ACYP2: variants seen among roughly 807,000 people sequenced by gnomAD.
ACYP2 encodes acylphosphatase 2.
In ACYP2, 12 loss-of-function variants were observed where a neutral mutation model predicts 11.2. The observed-to-expected ratio is 1.08, with a 90% CI of 0.69 to 1.74. The LOEUF is 1.74. Among genes scored for constraint, ACYP2 ranks in the 40% most tolerant of loss-of-function variants. ACYP2 has a pLI of 0.00. For missense variants in ACYP2, 134 were observed against 101.9 expected, an observed-to-expected ratio of 1.31 and a Z score of -1.35; for synonymous variants, 43 against 32.2, an observed-to-expected ratio of 1.33 and a Z score of -1.13.
chr2:54,027,821 G>GTTTC (rs202001088), intron 2 of ACYP2, among the ~76,000 whole-genome samples: 2,577 of 135,032 alleles, frequency 0.019, 45 homozygotes, highest in Non-Finnish European at 0.024. Flanking sequence ...TAGTCATCAT[G>GTTTC]TTTCTTTCTT....
At chr2:54,243,407 T>C (rs1397115922) in intron 6 of ACYP2, among the ~76,000 whole-genome samples, 1 of 152,226 alleles carries the variant, frequency 6.6e-6, no homozygotes, top group East Asian at 1.9e-4. Context: ...TACCTAAACA[T>C]AGAAAAGGCA....
chr2:54,043,167 T>C (rs1047131963), intron 2 of ACYP2, among the ~76,000 whole-genome samples: 1 of 152,080 alleles, frequency 6.6e-6, no homozygotes, highest in Admixed American at 6.6e-5. Context: ...GGTTGAGTGG[T>C]TGAGTTCAGG....
In ACYP2 at chr2:54,063,693, G is replaced by C. The variant is rs1676586955; in HGVS notation, c.277+6333G>C. 3.3e-5 allele frequency among the ~76,000 whole-genome samples: 5 copies of C among 152,226 alleles called. No homozygotes were observed. The South Asian group carries it at 1.0e-3, about 32-fold the overall frequency. ...GAGGGGGTGTTAAAGGATTCCTGCTGTTGCTAGTTCAGAATGTTTCACTAT... is the reference window on the plus strand; with the variant it reads ...GAGGGGGTGTTAAAGGATTCCTGCTCTTGCTAGTTCAGAATGTTTCACTAT... On this transcript the variant is annotated intron_variant, in intron 4 of 6. Coordinates refer to ENST00000607452, the MANE Select transcript of ACYP2 (RefSeq NM_001320586.2).
chr2:54,302,768 C>G (rs1689776020), intron 6 of ACYP2, among the ~76,000 whole-genome samples: 1 of 152,232 alleles, frequency 6.6e-6, no homozygotes, highest in South Asian at 2.1e-4. Context: ...AATGACAACC[C>G]TATCCAACTA....
At chr2:54,280,942 T>C (rs927456256) in intron 6 of ACYP2, among the ~76,000 whole-genome samples, 3 of 152,120 alleles carry the variant, frequency 2.0e-5, no homozygotes, top group Non-Finnish European at 4.4e-5. Flanking sequence ...GTCAGAATCA[T>C]AGAGGGAAGG....
At chr2:54,034,681 A>G (rs189456635) in intron 2 of ACYP2, among the ~76,000 whole-genome samples, 140 of 152,296 alleles carry the variant, frequency 9.2e-4, no homozygotes, top group East Asian at 7.9e-3. Flanking sequence ...GATATTTCCC[A>G]TATTTCTTAA....
At chr2:54,125,770 A>T (rs1255557312) in intron 4 of ACYP2, among the ~76,000 whole-genome samples, 7 of 151,554 alleles carry the variant, frequency 4.6e-5, no homozygotes, top group African/African-American at 1.7e-4. Flanking sequence ...AAACAAAACT[A>T]GTTTTTAAAC....
intron 4 of ACYP2, among the ~76,000 whole-genome samples, chr2:54,076,865 G>A (rs1009603534): frequency 9.2e-5 from 14 of 152,158 alleles, no homozygotes; most frequent in African/African-American, 2.7e-4. Context: ...AGTCCTGAAA[G>A]TTGTCTTTAT....
At chr2:54,132,459 C>T (rs1176220021) in intron 4 of ACYP2, among the ~76,000 whole-genome samples, 2 of 152,104 alleles carry the variant, frequency 1.3e-5, no homozygotes, top group Non-Finnish European at 2.9e-5. Flanking sequence ...CATTGCTTTG[C>T]TGCTTTTTTT....
chr2:54,041,806 T>C (rs1034288687), intron 2 of ACYP2, among the ~76,000 whole-genome samples: 2 of 152,072 alleles, frequency 1.3e-5, no homozygotes, highest in Non-Finnish European at 2.9e-5. Flanking sequence ...TTTTTTTCTT[T>C]TTAGAGTGGG....
chr2:54,095,139 C>A (rs1046719454), intron 4 of ACYP2, among the ~76,000 whole-genome samples: 1 of 151,960 alleles, frequency 6.6e-6, no homozygotes, highest in African/African-American at 2.4e-5. Flanking sequence ...ACATCTTGCA[C>A]CGCCCTTAAT....
At chr2:53,988,528 GA>G (rs1672133416) in intron 2 of ACYP2, among the ~76,000 whole-genome samples, 1 of 151,790 alleles carries the variant, frequency 6.6e-6, no homozygotes, top group South Asian at 2.1e-4. Context: ...AGCCTCCCGA[GA>G]AGCTGGGACC....
chr2:54,245,196 C>T (rs1686895058), intron 6 of ACYP2, among the ~76,000 whole-genome samples: 1 of 152,160 alleles, frequency 6.6e-6, no homozygotes, highest in Non-Finnish European at 1.5e-5. Flanking sequence ...ATCCATGTTG[C>T]AGGAATCACA....
chr2:54,001,922 C>T (rs1319045956), intron 2 of ACYP2, among the ~76,000 whole-genome samples: 1 of 152,110 alleles, frequency 6.6e-6, no homozygotes, highest in Admixed American at 6.6e-5. Flanking sequence ...TTCCCCTGTC[C>T]CCACACATGC....
At position 54,260,291 on chromosome 2, in the gene ACYP2, G is replaced by A. The variant is rs182518001; in HGVS notation, c.405-44397G>A. 4.1e-3 allele frequency among the ~76,000 whole-genome samples: 622 copies of A among 152,248 alleles called. 8 individuals carry two copies. The highest frequency in any genetic ancestry group is 0.014 in the African/African-American group (579 of 41,542). On this transcript the variant is annotated intron_variant, in intron 6 of 6. Coordinates refer to ENST00000607452, the MANE Select transcript of ACYP2 (RefSeq NM_001320586.2). ...AAATGAGTGTGAGGATGGGGCAACA[G>A]GCAGTGGGAGTCTGAGGACAGAGAA...
intron 6 of ACYP2, chr2:54,255,494 C>T (rs755548458): frequency 2.5e-6 from 4 of 1,614,068 alleles, no homozygotes; most frequent in Non-Finnish European, 3.4e-6. Flanking sequence ...AGCGCCCTGT[C>T]AGCCTCTGCA....
intron 6 of ACYP2, among the ~76,000 whole-genome samples, chr2:54,192,128 T>G (rs1684263693): frequency 6.6e-6 from 1 of 152,156 alleles, no homozygotes; most frequent in Non-Finnish European, 1.5e-5. Flanking sequence ...AGAAAAAAAT[T>G]TAGGATACAT....
intron 3 of ACYP2, among the ~76,000 whole-genome samples, chr2:54,052,453 C>A (rs1396951210): frequency 2.6e-5 from 4 of 151,834 alleles, no homozygotes; most frequent in Non-Finnish European, 5.9e-5. Context: ...CTCCTTGGCG[C>A]ACAGCACAAA....
intron 6 of ACYP2, chr2:54,255,770 C>A (rs556002259): frequency 1.9e-6 from 3 of 1,613,916 alleles, no homozygotes; most frequent in Non-Finnish European, 2.5e-6. Context: ...GTTTCTAGAG[C>A]CTTCTCCCCA....
Sources: gnomAD v4.1 joint callset for allele counts (sites outside exome capture counted in the v4.1 genomes callset) on GRCh38, gnomAD v4.1.1 for gene constraint, MANE v1.5 for transcripts, NCBI Gene and HGNC (gene_info 2026-07-23, HGNC 2026-07-21) for gene names.